Variants in LAMB4 observed in about 807,000 individuals in gnomAD.
LAMB4 encodes laminin subunit beta-4.
A neutral mutation model predicts 199.2 loss-of-function variants in LAMB4; 196 were observed. The ratio of observed to expected loss-of-function variants is 0.98; its 90% CI spans 0.88 to 1.11. The LOEUF (loss-of-function observed/expected upper bound fraction) is 1.11, where lower values mean the gene tolerates loss of function less well. Ranked by LOEUF, LAMB4 falls within the 50% of genes least tolerant of loss-of-function variation. The pLI is 0.00. For synonymous variants in LAMB4, 744 were observed against 770.6 expected, an observed-to-expected ratio of 0.97 and a Z score of 0.57; for missense variants, 2,080 against 2,171.2, an observed-to-expected ratio of 0.96 and a Z score of 0.83.
At chr7:108,090,834 C>T (rs762389788) in intron 14 of LAMB4, among the ~76,000 whole-genome samples, 17 of 152,096 alleles carry the variant, frequency 1.1e-4, no homozygotes, top group Admixed American at 9.8e-4. Flanking sequence ...TTCCACCTAC[C>T]GCAGTTGTTA....
chr7:108,058,214 A>G (rs1189684143), intron 23 of LAMB4, among the ~76,000 whole-genome samples: 1 of 152,186 alleles, frequency 6.6e-6, no homozygotes, highest in Non-Finnish European at 1.5e-5. Context: ...AAAACACATA[A>G]TGGGAAATGG....
At chr7:108,117,358 G>T (rs555407481) in intron 2 of LAMB4, among the ~76,000 whole-genome samples, 26 of 152,266 alleles carry the variant, frequency 1.7e-4, no homozygotes, top group African/African-American at 6.0e-4. Context: ...GGCAAGTAGG[G>T]TCATCTGAAA....
At chr7:108,114,502 G>A (rs556975323) in intron 3 of LAMB4, among the ~76,000 whole-genome samples, 1 of 152,202 alleles carries the variant, frequency 6.6e-6, no homozygotes, top group Non-Finnish European at 1.5e-5. Context: ...ACCTGGCCTA[G>A]AGTTGAGCAG....
At chr7:108,083,879 G>T (rs1381515161) in intron 14 of LAMB4, among the ~76,000 whole-genome samples, 1 of 152,216 alleles carries the variant, frequency 6.6e-6, no homozygotes, top group Non-Finnish European at 1.5e-5. Flanking sequence ...GGGGGACAGA[G>T]TTCCTTCTGC....
intron 14 of LAMB4, among the ~76,000 whole-genome samples, chr7:108,086,069 C>T (rs1162767374): frequency 1.3e-5 from 2 of 152,186 alleles, no homozygotes; most frequent in African/African-American, 2.4e-5. Flanking sequence ...TCCCGACTGA[C>T]CCCTTCTTTT....
intron 17 of LAMB4, among the ~76,000 whole-genome samples, chr7:108,071,602 AAGG>A (rs1430810912): frequency 1.3e-5 from 2 of 152,214 alleles, no homozygotes; most frequent in African/African-American, 4.8e-5. Flanking sequence ...GAGAAAACTG[AAGG>A]AGGTCATCTT....
intron 23 of LAMB4, among the ~76,000 whole-genome samples, chr7:108,060,728 T>C (rs572866649): frequency 1.3e-5 from 2 of 152,178 alleles, no homozygotes; most frequent in Non-Finnish European, 2.9e-5. Flanking sequence ...CCCAAAAGTA[T>C]AAATATCCAT....
rs924587356 is a variant in LAMB4, at chr7:108,073,127, C to A, written c.2125-3242G>T. ...TCAAGTGATTCTCCTGCCTCAGCCT[C>A]CCCAAGTAGCTGGGACTACAGGCAA... On this transcript the variant is annotated intron_variant, in intron 17 of 33. Coordinates refer to ENST00000388781, the MANE Select transcript of LAMB4 (RefSeq NM_007356.3). Among the ~76,000 whole-genome samples, 9 of 152,278 alleles carry A rather than the reference C, an allele frequency of 5.9e-5. No homozygotes were observed. The East Asian group carries it at 1.2e-3, about 20-fold the overall frequency.
chr7:108,056,017 A>G lies in LAMB4; in HGVS notation c.3380-10T>C. On this transcript the variant is annotated splice_polypyrimidine_tract_variant and intron_variant, in intron 24 of 33. Transcript: ENST00000388781. The stretch of plus-strand genomic sequence containing the variant: ...CTGTTACAATCACATGCTAAAAAGG[A>G]AAACAGAAGGAGCAGAGAATGTCAC... 6.3e-7 allele frequency: 1 copy of G among 1,595,714 alleles called. No homozygotes were observed. Among genetic ancestry groups the G allele is most frequent in the South Asian group, 1.1e-5 (1 of 88,884 alleles).
chr7:108,109,369 T>C (rs2038138681), intron 4 of LAMB4, 125 bp from the exon 5 acceptor site: 1 of 710,502 alleles, frequency 1.4e-6, no homozygotes, highest in African/African-American at 1.7e-5. Flanking sequence ...ACGATCACTC[T>C]TCCCAGTCTG....
At chr7:108,094,819 C>A (rs1215852427) in intron 12 of LAMB4, among the ~76,000 whole-genome samples, 5 of 151,980 alleles carry the variant, frequency 3.3e-5, no homozygotes, top group African/African-American at 1.2e-4. Context: ...TTTTATAAGA[C>A]CTTATCCAAA....
chr7:108,116,061 A>C lies in LAMB4; in HGVS notation c.135T>G (p.Ala45=). The part of the protein sequence containing the change: ...LLVGRNTQLM[A]SSTCGLSRAQ... Reference sequence around the variant, plus strand: ...CTCTGCTCAGCCCACAGGTAGAAGAAGCCATAAGCTGCGTGTTCCTGCCCA... The same window carrying C: ...CTCTGCTCAGCCCACAGGTAGAAGACGCCATAAGCTGCGTGTTCCTGCCCA... Residue 45 remains alanine (A), a synonymous_variant, in exon 3 of 34, where the codon GCT becomes GCG. Coordinates refer to ENST00000388781, the MANE Select transcript of LAMB4 (RefSeq NM_007356.3). 6.2e-7 allele frequency: 1 copy of C among 1,614,124 alleles called. No homozygotes were observed. Among genetic ancestry groups the C allele is most frequent in the Non-Finnish European group, 8.5e-7 (1 of 1,179,980 alleles).
chr7:108,121,321 T>C (rs2038590384), intron 2 of LAMB4, among the ~76,000 whole-genome samples: 1 of 152,248 alleles, frequency 6.6e-6, no homozygotes, highest in African/African-American at 2.4e-5. Flanking sequence ...ATAATTTCTC[T>C]AGTATTTCTG....
At chr7:108,056,681 C>T (rs77198905) in intron 24 of LAMB4, among the ~76,000 whole-genome samples, 1 of 152,048 alleles carries the variant, frequency 6.6e-6, no homozygotes, top group South Asian at 2.1e-4. Context: ...TTTAAAAATG[C>T]ATTTGAGGCT....
intron 24 of LAMB4, 66 bp downstream of exon 24, chr7:108,057,766 C>T: frequency 1.0e-6 from 1 of 995,750 alleles, no homozygotes; most frequent in East Asian, 2.4e-5. Flanking sequence ...TCAGTTGGTT[C>T]ATAGCATGTC....
At chr7:108,031,331 C>CAAAAAAAAAAAA (rs60572529) in intron 31 of LAMB4, among the ~76,000 whole-genome samples, 2 of 14,888 alleles carry the variant, frequency 1.3e-4, no homozygotes, top group Admixed American at 1.1e-3. Flanking sequence ...TCAACAATAA[C>CAAAAAAAAAAAA]AAAAAAAAAA....
At chr7:108,126,859 C>G (rs1412131753) in intron 1 of LAMB4, among the ~76,000 whole-genome samples, 1 of 152,064 alleles carries the variant, frequency 6.6e-6, no homozygotes, top group Non-Finnish European at 1.5e-5. Flanking sequence ...TGAGCCACCG[C>G]GCCCGGCCTT....
At chr7:108,026,649 T>C in intron 33 of LAMB4, 1 of 220,440 alleles carries the variant, frequency 4.5e-6, no homozygotes, top group Non-Finnish European at 9.3e-6. Context: ...TTATCCAAAA[T>C]TATGCCCACG....
chr7:108,035,958 C>T (rs1340861699), intron 30 of LAMB4, among the ~76,000 whole-genome samples: 1 of 151,086 alleles, frequency 6.6e-6, no homozygotes, highest in East Asian at 2.0e-4. Flanking sequence ...GGTTCAAGTT[C>T]AATCAGTTCT....
Sources: gnomAD v4.1 joint callset for allele counts (sites outside exome capture counted in the v4.1 genomes callset) on GRCh38, gnomAD v4.1.1 for gene constraint, MANE v1.5 for transcripts, NCBI Gene and HGNC (gene_info 2026-07-23, HGNC 2026-07-21) for gene names.